Variants in BLK observed in about 807,000 individuals in gnomAD.
BLK encodes the protein BLK proto-oncogene, Src family tyrosine kinase.
BLK carries 64 observed loss-of-function variants against 61.8 expected under a neutral mutation model. The observed-to-expected ratio is 1.03, with a 90% confidence interval of 0.85 to 1.27. The LOEUF (loss-of-function observed/expected upper bound fraction) is 1.27, where lower values mean the gene tolerates loss of function less well. Among genes scored for constraint, BLK ranks in the 50% most tolerant of loss-of-function variants. The probability of loss-of-function intolerance (pLI) is 0.00; values close to 1 mark genes in which losing one functional copy is unlikely to be tolerated. For synonymous variants in BLK, 351 were observed against 272.0 expected, an observed-to-expected ratio of 1.29 and a Z score of -2.86; for missense variants, 853 against 660.5, an observed-to-expected ratio of 1.29 and a Z score of -3.19.
At chr8:11,497,822 C>A (rs919025816) in intron 1 of BLK, among the ~76,000 whole-genome samples, 1 of 152,218 alleles carries the variant, frequency 6.6e-6, no homozygotes, top group Non-Finnish European at 1.5e-5. Flanking sequence ...CTGGCACATT[C>A]CACTTCCTGT....
chr8:11,556,298 G>T (rs946244133), intron 8 of BLK: 2 of 358,928 alleles, frequency 5.6e-6, no homozygotes, highest in South Asian at 2.3e-5. Context: ...TGTACCCCAG[G>T]CTGTGTGCTT....
At chr8:11,560,807 G>A (rs767506536) in intron 10 of BLK, 10 of 455,600 alleles carry the variant, frequency 2.2e-5, no homozygotes, top group South Asian at 1.5e-4. Flanking sequence ...CATCCCTCAT[G>A]TTCCATGTCA....
At chr8:11,558,114 A>C (rs1585417288) in intron 10 of BLK, 76 bp downstream of exon 10, 9 of 1,424,328 alleles carry the variant, frequency 6.3e-6, no homozygotes, top group Non-Finnish European at 2.0e-6. Context: ...GTGCCTTACC[A>C]CCCCATCCTC....
chr8:11,557,190 C>T (rs1452166022), intron 9 of BLK, among the ~76,000 whole-genome samples: 2 of 152,180 alleles, frequency 1.3e-5, no homozygotes, highest in African/African-American at 4.8e-5. Flanking sequence ...GTACTAGATC[C>T]AGGTCTCCTG....
At chr8:11,537,938 G>A (rs1163061871) in intron 1 of BLK, among the ~76,000 whole-genome samples, 1 of 152,026 alleles carries the variant, frequency 6.6e-6, no homozygotes, top group Non-Finnish European at 1.5e-5. Context: ...GCATTAGAGG[G>A]CCTAGCTGGT....
chr8:11,498,094 G>A (rs900102781), intron 1 of BLK, among the ~76,000 whole-genome samples: 6 of 152,152 alleles, frequency 3.9e-5, no homozygotes, highest in African/African-American at 1.2e-4. Context: ...GTTTTCTCAC[G>A]TTCCTTCTCA....
Position 11,534,688 on chromosome 8 carries a change from G to A in BLK, c.-1-8536G>A, listed in dbSNP as rs1304331004. Among the ~76,000 whole-genome samples the A allele has an allele frequency of 4.6e-5, 7 of 152,062 alleles. No homozygotes were observed. The East Asian group carries it at 9.6e-4, about 21-fold the overall frequency. ...CTTTTCACTTTAAAAAATTGAAATG[G>A]CCACATAATTTCTCCTCCTAACTGT... On this transcript the variant is annotated intron_variant, in intron 1 of 12. Transcript: ENST00000259089.
intron 1 of BLK, among the ~76,000 whole-genome samples, chr8:11,513,303 A>C (rs184728955): frequency 0.012 from 1,795 of 152,290 alleles, 142 homozygotes; most frequent in Admixed American, 0.11. Context: ...TACAAGGCTG[A>C]TGCTGGCAGC....
intron 1 of BLK, among the ~76,000 whole-genome samples, chr8:11,504,300 G>A (rs1382131012): frequency 6.7e-6 from 1 of 149,744 alleles, no homozygotes; most frequent in Non-Finnish European, 1.5e-5. Flanking sequence ...TCCAGCTTGA[G>A]CAACAGAGCG....
In BLK at chr8:11,549,098, G is replaced by A. The variant is rs367628135; in HGVS notation, c.344G>A (p.Arg115Gln). 2.7e-5 allele frequency: 43 copies of A among 1,609,342 alleles called. No individual in the cohort carries two copies. Among genetic ancestry groups the A allele is most frequent in the African/African-American group, 1.1e-4 (8 of 74,984 alleles). Residue 115 changes from arginine to glutamine, a missense_variant, in exon 5 of 13, where the codon CGA becomes CAA. Coordinates refer to ENST00000259089, the MANE Select transcript of BLK (RefSeq NM_001715.3). ...TATGTGCCCAGTAACTTTGTGGCCC[G>A]AGTGGAGAGCCTGGAAATGGAAAGG... Reference protein sequence around the residue: ...EGYVPSNFVARVESLEMERWF... With the variant: ...EGYVPSNFVAQVESLEMERWF...
At chr8:11,562,039 G>A (rs1272465804) in intron 11 of BLK, among the ~76,000 whole-genome samples, 1 of 152,064 alleles carries the variant, frequency 6.6e-6, no homozygotes, top group African/African-American at 2.4e-5. Context: ...GGCTGGTCTC[G>A]AACTCCTGAA....
At chr8:11,550,633 C>T (rs1449449995) in intron 6 of BLK, among the ~76,000 whole-genome samples, 1 of 152,240 alleles carries the variant, frequency 6.6e-6, no homozygotes, top group East Asian at 1.9e-4. Flanking sequence ...TCAAAGAATC[C>T]TTCAAGATCA....
chr8:11,542,264 A>T (rs1800412318), intron 1 of BLK, among the ~76,000 whole-genome samples: 1 of 152,224 alleles, frequency 6.6e-6, no homozygotes, highest in Admixed American at 6.5e-5. Flanking sequence ...CTCCCAGTTC[A>T]GAGATATTGA....
intron 10 of BLK, 23 bp downstream of exon 10, chr8:11,558,061 A>T (rs1238945171): frequency 6.2e-7 from 1 of 1,613,142 alleles, no homozygotes; most frequent in East Asian, 2.2e-5. Context: ...CCAGGTGCAG[A>T]GAAAGGGCGG....
rs898152049 is a variant in BLK at position 11,505,075 on chromosome 8, C to G, written c.-2+10484C>G. On this transcript the variant is annotated intron_variant, in intron 1 of 12. Coordinates refer to ENST00000259089, the MANE Select transcript of BLK (RefSeq NM_001715.3). The stretch of plus-strand genomic sequence containing the variant: ...ACACATGCACAGACATGTAGAAATA[C>G]CTAGACACAGAGGAACACACAAAGA... Among the ~76,000 whole-genome samples the G allele has an allele frequency of 2.0e-5, 3 of 152,052 alleles. No homozygotes were observed. In the East Asian group the frequency reaches 5.8e-4, roughly 29 times the overall value.
intron 1 of BLK, among the ~76,000 whole-genome samples, chr8:11,527,498 G>A (rs73209290): frequency 0.14 from 21,386 of 150,810 alleles, 1,695 homozygotes; most frequent in East Asian, 0.25. Context: ...AGTGGGGAAG[G>A]AGTTTAATTG....
chr8:11,498,229 C>G (rs1023528521), intron 1 of BLK, among the ~76,000 whole-genome samples: 6 of 152,182 alleles, frequency 3.9e-5, no homozygotes, highest in African/African-American at 7.2e-5. Context: ...TCAGGTCGTT[C>G]AAGTGCAGGA....
In BLK at chr8:11,538,671, G is replaced by A. The variant is rs565883844; in HGVS notation, c.-1-4553G>A. On this transcript the variant is annotated intron_variant, in intron 1 of 12. Coordinates refer to ENST00000259089, the MANE Select transcript of BLK (RefSeq NM_001715.3). ...CAGACTAAGAAAGACAAGAGGGCTG[G>A]TCACCTGGGCAGATGCGGAAGTATG... Among the ~76,000 whole-genome samples the A allele has an allele frequency of 5.3e-5, 8 of 152,334 alleles. 1 individual carries two copies. The South Asian group carries it at 1.7e-3, about 32-fold the overall frequency.
At position 11,529,121 on chromosome 8, in the gene BLK, T is replaced by A. The variant is rs1249911172; in HGVS notation, c.-1-14103T>A. ...TTAAAATTTAAAATAATAGTAATAATAATAATTAGCCCTAATATAAGGAGT... is the reference window on the plus strand; with the variant it reads ...TTAAAATTTAAAATAATAGTAATAAAAATAATTAGCCCTAATATAAGGAGT... On this transcript the variant is annotated intron_variant, in intron 1 of 12. Coordinates refer to ENST00000259089, the MANE Select transcript of BLK (RefSeq NM_001715.3). Among the ~76,000 whole-genome samples the A allele has an allele frequency of 2.0e-5, 3 of 152,208 alleles. No individual in the cohort carries two copies. The East Asian group carries it at 5.8e-4, about 29-fold the overall frequency.
Sources: allele counts gnomAD v4.1 joint callset (sites outside exome capture counted in the v4.1 genomes callset), GRCh38; gene constraint gnomAD v4.1.1; transcripts MANE v1.5; gene names NCBI Gene and HGNC (gene_info 2026-07-23, HGNC 2026-07-21).